The following CACNB4 variants were observed in gnomAD, a reference collection of about 807,000 sequenced individuals.
CACNB4 encodes calcium voltage-gated channel auxiliary subunit beta 4.
CACNB4 carries 32 observed loss-of-function variants against 71.2 expected under a neutral mutation model. The ratio of observed to expected loss-of-function variants is 0.45; its 90% CI spans 0.34 to 0.60. The LOEUF (loss-of-function observed/expected upper bound fraction) is 0.60. Ranked by LOEUF, CACNB4 falls within the 20% of genes least tolerant of loss-of-function variation. The pLI is 0.01. For synonymous variants in CACNB4, 231 were observed against 236.9 expected, an observed-to-expected ratio of 0.97 and a Z score of 0.23; for missense variants, 464 against 647.9, an observed-to-expected ratio of 0.72 and a Z score of 3.08.
intron 2 of CACNB4, among the ~76,000 whole-genome samples, chr2:152,072,768 G>A (rs1257100757): frequency 6.6e-6 from 1 of 150,612 alleles, no homozygotes; most frequent in East Asian, 1.9e-4. Flanking sequence ...AGTCTCCCAA[G>A]TAGCTGGGAC....
At chr2:152,015,912 A>T (rs1317222935) in intron 2 of CACNB4, among the ~76,000 whole-genome samples, 3 of 152,242 alleles carry the variant, frequency 2.0e-5, no homozygotes, top group Admixed American at 2.0e-4. Flanking sequence ...CAGGATTACG[A>T]GATCCAATTT....
At chr2:151,966,139 C>T (rs1367500731) in intron 2 of CACNB4, among the ~76,000 whole-genome samples, 1 of 152,308 alleles carries the variant, frequency 6.6e-6, no homozygotes, top group Admixed American at 6.5e-5. Context: ...AAATGATCTA[C>T]TCAAATGTCT....
In CACNB4 at chr2:151,853,549, A is replaced by G; in HGVS notation, c.1021-6T>C. On this transcript the variant is annotated splice_polypyrimidine_tract_variant and splice_region_variant and intron_variant, in intron 11 of 13. Transcript: ENST00000539935. The stretch of plus-strand genomic sequence containing the variant: ...TTAATCAACCGCTGTAAAACCTGAT[A>G]GAAGAAGACATGAACCTGAGGTATT... The G allele has an allele frequency of 1.3e-6, 2 of 1,523,698 alleles. No homozygotes were observed. The highest frequency in any genetic ancestry group is 1.8e-6 in the Non-Finnish European group (2 of 1,112,934). The allele number at this position is 1,523,698 out of a possible 1,614,324, so 94.4% of individuals were successfully genotyped here. A position where few individuals can be genotyped will look rare whatever the true frequency, so the allele number is the denominator to read the frequency against.
intron 2 of CACNB4, among the ~76,000 whole-genome samples, chr2:152,022,263 A>G (rs764650522): frequency 6.6e-6 from 1 of 152,192 alleles, no homozygotes; most frequent in Non-Finnish European, 1.5e-5. Context: ...ACTGTTCACC[A>G]TTCATTATAC....
chr2:152,009,341 G>A (rs902005307), intron 2 of CACNB4, among the ~76,000 whole-genome samples: 3 of 152,210 alleles, frequency 2.0e-5, no homozygotes, highest in African/African-American at 7.2e-5. Context: ...TATCCTGGGT[G>A]AGACTGTCAT....
At chr2:151,987,192 G>C (rs1019268877) in intron 2 of CACNB4, among the ~76,000 whole-genome samples, 3 of 152,170 alleles carry the variant, frequency 2.0e-5, no homozygotes, top group Non-Finnish European at 4.4e-5. Flanking sequence ...CGCAACATAT[G>C]AGCACTACTA....
At chr2:152,088,918 C>T (rs1399870761) in intron 2 of CACNB4, among the ~76,000 whole-genome samples, 1 of 152,224 alleles carries the variant, frequency 6.6e-6, no homozygotes, top group Non-Finnish European at 1.5e-5. Flanking sequence ...ATATCAGCCT[C>T]ATCTATTTCT....
At chr2:151,958,047 G>A (rs968995477) in intron 2 of CACNB4, among the ~76,000 whole-genome samples, 4 of 152,188 alleles carry the variant, frequency 2.6e-5, no homozygotes, top group Non-Finnish European at 5.9e-5. Context: ...TGAATCTTTT[G>A]AGAAAGGGAC....
chr2:151,926,435 A>C (rs1368261656), intron 2 of CACNB4, among the ~76,000 whole-genome samples: 1 of 152,198 alleles, frequency 6.6e-6, no homozygotes, highest in Non-Finnish European at 1.5e-5. Flanking sequence ...AGCAGACTCA[A>C]TAAAGGGTGA....
chr2:151,970,633 A>G (rs2099872274), intron 2 of CACNB4: 1 of 152,228 alleles, frequency 6.6e-6, no homozygotes, highest in Admixed American at 6.5e-5. Context: ...ATTAACACAC[A>G]GTGGGGACAG....
chr2:152,043,810 C>T lies in CACNB4; in HGVS notation c.147+54520G>A, dbSNP rs1481133378. On this transcript the variant is annotated intron_variant, in intron 2 of 13. Transcript: ENST00000539935. The stretch of plus-strand genomic sequence containing the variant: ...ACCACTTTTCAAGTATTAAATTGCT[C>T]AACTGAGCAACATCATTCTTCAAAT... Among the ~76,000 whole-genome samples the T allele has an allele frequency of 2.0e-5, 3 of 152,190 alleles. No individual in the cohort carries two copies. In the East Asian group the frequency reaches 5.8e-4, roughly 29 times the overall value.
chr2:152,029,041 T>G (rs1684122162), intron 2 of CACNB4, among the ~76,000 whole-genome samples: 1 of 152,224 alleles, frequency 6.6e-6, no homozygotes, highest in South Asian at 2.1e-4. Flanking sequence ...AGGCATGTTA[T>G]GGACTGAACT....
At chr2:151,859,134 G>A (rs1007362935) in intron 10 of CACNB4, 4 of 152,198 alleles carry the variant, frequency 2.6e-5, no homozygotes, top group Non-Finnish European at 5.9e-5. Flanking sequence ...TTAATAGATT[G>A]CCATGAAATT....
rs1271634324 is a variant in CACNB4 at position 152,098,785 on chromosome 2, C to A, written c.63+164G>T. 4 of 745,084 alleles carry A rather than the reference C, an allele frequency of 5.4e-6. No homozygotes were observed. The highest frequency in any genetic ancestry group is 8.0e-6 in the Non-Finnish European group (4 of 497,728). 46.2% of individuals were successfully genotyped at this position (745,084 alleles called of 1,614,324 possible). ...AGAGAAGGAGGAGAAAGAGGAGGAG[C>A]GGGAGGAGAAAGGGACGTGGAGGAG... On this transcript the variant is annotated intron_variant, in intron 1 of 13. Transcript: ENST00000539935. This position sits in a 1 kb window ranked among gnomAD's most constrained non-coding sequence, Gnocchi z 5.3.
intron 12 of CACNB4, chr2:151,851,156 A>G (rs1367403393): frequency 6.6e-6 from 1 of 152,228 alleles, no homozygotes; most frequent in Non-Finnish European, 1.5e-5. Context: ...TTGGATGACA[A>G]TTATAATTAT....
At chr2:152,077,517 C>T (rs543734463) in intron 2 of CACNB4, among the ~76,000 whole-genome samples, 1 of 152,314 alleles carries the variant, frequency 6.6e-6, no homozygotes, top group East Asian at 1.9e-4. Context: ...CGCGCCACTG[C>T]ACTCCAGCCT....
chr2:151,841,762 A>G, intron 13 of CACNB4, 141 bp downstream of exon 13: 1 of 667,898 alleles, frequency 1.5e-6, no homozygotes, highest in Non-Finnish European at 2.5e-6. Context: ...ATAATTAGAT[A>G]ATATTTAAGA....
intron 2 of CACNB4, among the ~76,000 whole-genome samples, chr2:151,942,575 G>A (rs919360238): frequency 1.3e-5 from 2 of 148,832 alleles, no homozygotes; most frequent in African/African-American, 5.2e-5. Flanking sequence ...CCGGCAAAAA[G>A]AGCCATATTT....
At position 151,838,248 on chromosome 2, in the gene CACNB4, A is replaced by G. The variant is rs1000748216; in HGVS notation, c.*871T>C. On this transcript the variant is annotated 3_prime_UTR_variant, in exon 14 of 14. Coordinates refer to ENST00000539935, the MANE Select transcript of CACNB4 (RefSeq NM_000726.5). ...TGTGCTCAGATTGATTAAAGGGAGA[A>G]CAACACCCCATTTTATATTTCACAT... 16 of 152,636 alleles carry G rather than the reference A, an allele frequency of 1.0e-4. No individual in the cohort carries two copies. The highest frequency in any genetic ancestry group is 8.5e-4 in the Admixed American group (13 of 15,274). The allele number at this position is 152,636 out of a possible 1,614,324, so 9.5% of individuals were successfully genotyped here. A position where few individuals can be genotyped will look rare whatever the true frequency, so the allele number is the denominator to read the frequency against.
Sources: gnomAD v4.1 joint callset for allele counts (sites outside exome capture counted in the v4.1 genomes callset) on GRCh38, gnomAD v4.1.1 for gene constraint, Gnocchi (gnomAD v3.1) non-coding constraint, MANE v1.5 for transcripts, NCBI Gene and HGNC (gene_info 2026-07-23, HGNC 2026-07-21) for gene names.